Variants in ASAP1 observed in about 807,000 individuals in gnomAD.
ASAP1 encodes ArfGAP with SH3 domain, ankyrin repeat and PH domain 1.
In ASAP1, 43 loss-of-function variants were observed where a neutral mutation model predicts 145.2. The ratio of observed to expected loss-of-function variants is 0.30; its 90% CI spans 0.23 to 0.38. ASAP1 has a LOEUF of 0.38. Among genes scored for constraint, ASAP1 ranks in the 10% least tolerant of loss-of-function variants. The pLI is 1.00. For synonymous variants in ASAP1, 546 were observed against 515.5 expected, an observed-to-expected ratio of 1.06 and a Z score of -0.80; for missense variants, 1,018 against 1,355.3, an observed-to-expected ratio of 0.75 and a Z score of 3.91.
At chr8:130,256,293 T>C (rs1348025061) in intron 3 of ASAP1, among the ~76,000 whole-genome samples, 1 of 151,892 alleles carries the variant, frequency 6.6e-6, no homozygotes, top group African/African-American at 2.4e-5. Context: ...TTTAGGAGAA[T>C]GAGTACTTTT....
chr8:130,231,255 T>A (rs1361269821), intron 4 of ASAP1, among the ~76,000 whole-genome samples: 2 of 152,160 alleles, frequency 1.3e-5, no homozygotes, highest in Non-Finnish European at 2.9e-5. Flanking sequence ...GAGACAAAAA[T>A]GTAAGGAAAT....
At chr8:130,109,866 ACAGG>A (rs770883223) in intron 24 of ASAP1, among the ~76,000 whole-genome samples, 6 of 152,252 alleles carry the variant, frequency 3.9e-5, no homozygotes, top group Non-Finnish European at 8.8e-5. Flanking sequence ...TCACCAGCAG[ACAGG>A]CCAAATCTCT....
chr8:130,399,768 C>T (rs1828692819), intron 2 of ASAP1, among the ~76,000 whole-genome samples: 1 of 151,896 alleles, frequency 6.6e-6, no homozygotes, highest in Non-Finnish European at 1.5e-5. Context: ...AAATATTACC[C>T]CTTTTTCATG....
In ASAP1 at chr8:130,381,931, A is replaced by T. The variant is rs540613624; in HGVS notation, c.59+19954T>A. 7.9e-5 allele frequency among the ~76,000 whole-genome samples: 12 copies of T among 151,976 alleles called. No individual in the cohort carries two copies. The South Asian group carries it at 1.0e-3, about 13-fold the overall frequency. On this transcript the variant is annotated intron_variant, in intron 2 of 29. Coordinates refer to ENST00000518721, the MANE Select transcript of ASAP1 (RefSeq NM_018482.4). ...TCCTGACCACTCTCCTCCCACCCTA[A>T]TCCCCATCTCTTGTTCTCCCTTTAC...
intron 25 of ASAP1, among the ~76,000 whole-genome samples, chr8:130,087,203 C>A (rs528542798): frequency 6.6e-6 from 1 of 152,182 alleles, no homozygotes; most frequent in East Asian, 1.9e-4. Context: ...TGTCGGGGAA[C>A]CAAAGAGGGG....
At chr8:130,291,210 C>A (rs140410314) in intron 3 of ASAP1, among the ~76,000 whole-genome samples, 393 of 152,312 alleles carry the variant, frequency 2.6e-3, no homozygotes, top group African/African-American at 9.1e-3. Context: ...ATGTCAAATT[C>A]TCCTAGTGTC....
intron 3 of ASAP1, among the ~76,000 whole-genome samples, chr8:130,276,728 A>ACACACATACTCTCTCTCT (rs548512902): frequency 1.1e-5 from 1 of 87,272 alleles, no homozygotes; most frequent in South Asian, 5.8e-4. Flanking sequence ...ACACACACAC[A>ACACACATACTCTCTCTCT]CTCTCTCTCT....
chr8:130,079,757 A>G, intron 26 of ASAP1, 145 bp downstream of exon 26: 1 of 754,430 alleles, frequency 1.3e-6, no homozygotes. Flanking sequence ...CCAAGAGTGA[A>G]CGTCTGGTTT....
In ASAP1 at chr8:130,129,189, C is replaced by T. The variant is rs2097579628; in HGVS notation, c.1218-1099G>A. Among the ~76,000 whole-genome samples, 6 of 152,302 alleles carry T rather than the reference C, an allele frequency of 3.9e-5. No homozygotes were observed. In the South Asian group the frequency reaches 1.0e-3, roughly 26 times the overall value. On this transcript the variant is annotated intron_variant, in intron 15 of 29. Coordinates refer to ENST00000518721, the MANE Select transcript of ASAP1 (RefSeq NM_018482.4). ...ATAATTGTAAGTCTCCTGAGGCCTC[C>T]CCAGCCATGTGGAACTGTGAGTCAA...
intron 5 of ASAP1, among the ~76,000 whole-genome samples, chr8:130,202,198 T>C (rs1044617490): frequency 1.3e-5 from 2 of 152,174 alleles, no homozygotes; most frequent in African/African-American, 4.8e-5. Context: ...TGATAGGCAG[T>C]TGTTTGATAT....
intron 1 of ASAP1, among the ~76,000 whole-genome samples, chr8:130,433,727 T>C (rs534305588): frequency 2.0e-5 from 3 of 152,212 alleles, no homozygotes; most frequent in Non-Finnish European, 4.4e-5. Context: ...AGAATTCTTA[T>C]CTCATTTTGA....
chr8:130,228,384 A>G (rs746999675), intron 4 of ASAP1, among the ~76,000 whole-genome samples: 1 of 152,058 alleles, frequency 6.6e-6, no homozygotes, highest in Non-Finnish European at 1.5e-5. Flanking sequence ...GGGTGCTCCA[A>G]AAGTATGTGT....
At chr8:130,081,253 TA>T (rs2097479745) in intron 25 of ASAP1, among the ~76,000 whole-genome samples, 1 of 151,978 alleles carries the variant, frequency 6.6e-6, no homozygotes, top group African/African-American at 2.4e-5. Context: ...CAGGTGGAGG[TA>T]AGTGTGCTAT....
intron 24 of ASAP1, among the ~76,000 whole-genome samples, chr8:130,109,657 A>C (rs1286382863): frequency 6.6e-6 from 1 of 152,214 alleles, no homozygotes; most frequent in Non-Finnish European, 1.5e-5. Flanking sequence ...AATGAAAAAA[A>C]ACATAGGGGC....
At chr8:130,408,442 C>A (rs10086773) in intron 1 of ASAP1, among the ~76,000 whole-genome samples, 1,855 of 152,010 alleles carry the variant, frequency 0.012, 30 homozygotes, top group African/African-American at 0.043. Flanking sequence ...TTTTTGGACA[C>A]TGGCGCTCCT....
intron 1 of ASAP1, among the ~76,000 whole-genome samples, chr8:130,442,617 G>A (rs1565318997): frequency 6.6e-6 from 1 of 152,100 alleles, no homozygotes; most frequent in Non-Finnish European, 1.5e-5. Context: ...GGGAAAATGC[G>A]AGAGAAAGTT....
Position 130,093,686 on chromosome 8 carries a change from A to AAAAAAAAAAAAAAAAAAAAG in ASAP1, c.2402-1544_2402-1543insCTTTTTTTTTTTTTTTTTTT, listed in dbSNP as rs767063471. 3.7e-4 allele frequency among the ~76,000 whole-genome samples: 49 copies of AAAAAAAAAAAAAAAAAAAAG among 131,970 alleles called. 3 individuals carry two copies. The highest frequency in any genetic ancestry group is 1.5e-3 in the African/African-American group (46 of 30,538). 86.6% of individuals were successfully genotyped at this position (131,970 alleles called of 152,430 possible). On this transcript the variant is annotated intron_variant, in intron 24 of 29. Coordinates refer to ENST00000518721, the MANE Select transcript of ASAP1 (RefSeq NM_018482.4). ...CGTCTCAAAAAAAAAAAAAAAAAAA[A>AAAAAAAAAAAAAAAAAAAAG]AAAGAAAGCTAAGAACACTGCCACA... is the stretch of plus-strand genomic sequence containing the variant.
intron 1 of ASAP1, among the ~76,000 whole-genome samples, chr8:130,407,995 G>C (rs1829108832): frequency 6.6e-6 from 1 of 152,104 alleles, no homozygotes; most frequent in African/African-American, 2.4e-5. Context: ...GAAAATCAGG[G>C]ACCTAAAGAA....
intron 3 of ASAP1, among the ~76,000 whole-genome samples, chr8:130,268,235 C>CA (rs761127708): frequency 1.3e-5 from 2 of 152,082 alleles, no homozygotes; most frequent in Non-Finnish European, 2.9e-5. Context: ...CCTGTAATCC[C>CA]AGCACTTAGG....
Sources: gnomAD v4.1 joint callset for allele counts (sites outside exome capture counted in the v4.1 genomes callset) on GRCh38, gnomAD v4.1.1 for gene constraint, MANE v1.5 for transcripts, NCBI Gene and HGNC (gene_info 2026-07-23, HGNC 2026-07-21) for gene names.